NAT2: variants seen among roughly 807,000 people sequenced by gnomAD.
The protein encoded by NAT2 is N-acetyltransferase 2.
For synonymous variants in NAT2, 137 were observed against 125.9 expected (o/e 1.09, Z -0.59); for missense variants, 428 against 339.1 (o/e 1.26, Z -2.06).
rs1341104335 is a variant in NAT2, at chr8:18,400,508, T to G, written c.505T>G (p.Tyr169Asp). 2 of 1,613,538 alleles carry G rather than the reference T, an allele frequency of 1.2e-6. No homozygotes were observed. The highest frequency in any genetic ancestry group is 3.3e-5 in the Admixed American group (2 of 59,902). The change falls in exon 2 of 2, where the codon TAT (tyrosine) becomes GAT (aspartate). Residue 169 changes from tyrosine to aspartate, a missense_variant. Tyr to Asp is a radical substitution (Grantham distance 160). Transcript: ENST00000286479. ...CCTGGACCAAATCAGGAGAGAGCAG[T>G]ATATTACAAACAAAGAATTTCTTAA... ...WYLDQIRREQ[Y>D]ITNKEFLNSH...
At chr8:18,395,525 C>T (rs1800668966) in intron 1 of NAT2, among the ~76,000 whole-genome samples, 1 of 151,936 alleles carries the variant, frequency 6.6e-6, no homozygotes, top group African/African-American at 2.4e-5. Flanking sequence ...ACAATGTTTC[C>T]TATATGATTT....
intron 1 of NAT2, among the ~76,000 whole-genome samples, chr8:18,397,861 T>A (rs1338948875): frequency 6.6e-6 from 1 of 152,156 alleles, no homozygotes; most frequent in Non-Finnish European, 1.5e-5. Context: ...TTGTTGGCTC[T>A]GGCAAATTTT....
rs755777378 is a variant in NAT2 at position 18,400,886 on chromosome 8, C to T, written c.*10C>T. ...ATCCCTTACTATTTAGAATAAGGAA[C>T]AAAATAAACCCTTGTGTATGTATCA... On this transcript the variant is annotated 3_prime_UTR_variant, in exon 2 of 2. Coordinates refer to ENST00000286479, the MANE Select transcript of NAT2 (RefSeq NM_000015.3). 2.6e-6 allele frequency: 4 copies of T among 1,559,192 alleles called. No individual in the cohort carries two copies. Among genetic ancestry groups the T allele is most frequent in the Non-Finnish European group, 3.5e-6 (4 of 1,157,938 alleles).
upstream of NAT2, among the ~76,000 whole-genome samples, chr8:18,389,864 CA>C (rs1563246672): frequency 1.3e-5 from 2 of 152,140 alleles, no homozygotes; most frequent in South Asian, 2.1e-4. Flanking sequence ...AAAACCAGGC[CA>C]CAAGACAAAG....
At chr8:18,390,698 A>G (rs4345600), upstream of NAT2, among the ~76,000 whole-genome samples, 16,190 of 149,752 alleles carry the variant, frequency 0.11, 1,052 homozygotes, top group Admixed American at 0.18. Flanking sequence ...GCTAGGAGAA[A>G]TAAAAATTTA....
chr8:18,389,873 A>C (rs1028986549), upstream of NAT2, among the ~76,000 whole-genome samples: 1 of 152,210 alleles, frequency 6.6e-6, no homozygotes, highest in Non-Finnish European at 1.5e-5. Context: ...CCACAAGACA[A>C]AGATTTGTAT....
At chr8:18,396,759 T>C (rs1800699680) in intron 1 of NAT2, among the ~76,000 whole-genome samples, 1 of 152,192 alleles carries the variant, frequency 6.6e-6, no homozygotes, top group Non-Finnish European at 1.5e-5. Flanking sequence ...AATCCTGAGC[T>C]ATCTGTAAAA....
chr8:18,400,507 G>C lies in NAT2; in HGVS notation c.504G>C (p.Gln168His), dbSNP rs1315180839. 1.2e-6 allele frequency: 2 copies of C among 1,613,414 alleles called. No homozygotes were observed. Among genetic ancestry groups the C allele is most frequent in the Admixed American group, 1.7e-5 (1 of 59,884 alleles). The part of the protein sequence containing the change: ...IWYLDQIRRE[Q>H]YITNKEFLNS... ...ACCTGGACCAAATCAGGAGAGAGCA[G>C]TATATTACAAACAAAGAATTTCTTA... The change falls in exon 2 of 2, where the codon CAG becomes CAC. Residue 168 changes from glutamine (Q) to histidine (H), a missense_variant. Transcript: ENST00000286479.
At chr8:18,392,497 T>G (rs1189133531) in intron 1 of NAT2, among the ~76,000 whole-genome samples, 1 of 152,236 alleles carries the variant, frequency 6.6e-6, no homozygotes, top group African/African-American at 2.4e-5. Context: ...CAGTCTAGTC[T>G]TTCCACATTC....
upstream of NAT2, chr8:18,387,424 T>A: frequency 6.5e-6 from 1 of 153,526 alleles, no homozygotes; most frequent in South Asian, 1.8e-4. Flanking sequence ...GCCCCGGAGT[T>A]CAGCAGCGCC....
chr8:18,386,459 A>C (rs1163355408), upstream of NAT2, among the ~76,000 whole-genome samples: 2 of 152,194 alleles, frequency 1.3e-5, no homozygotes, highest in African/African-American at 4.8e-5. Context: ...GGCAGATAAA[A>C]GAATGAGACT....
At chr8:18,396,404 A>T (rs1475299414) in intron 1 of NAT2, among the ~76,000 whole-genome samples, 1 of 152,192 alleles carries the variant, frequency 6.6e-6, no homozygotes, top group Non-Finnish European at 1.5e-5. Context: ...TTAACTTAAA[A>T]CAATCTTTAA....
rs1799930 is a variant in NAT2, at chr8:18,400,593, G to A, written c.590G>A (p.Arg197Gln). ...ATATACTTATTTACGCTTGAACCTC[G>A]AACAATTGAAGATTTTGAGTCTATG... ...QKIYLFTLEP[R>Q]TIEDFESMNT... The change falls in exon 2 of 2, where the codon CGA becomes CAA. Residue 197 changes from arginine to glutamine, a missense_variant. Coordinates refer to ENST00000286479, the MANE Select transcript of NAT2 (RefSeq NM_000015.3). 0.29 allele frequency: 464,073 copies of A among 1,612,574 alleles called. 68,230 individuals carry two copies. Among genetic ancestry groups the A allele is most frequent in the South Asian group, 0.36 (32,626 of 90,726 alleles).
At position 18,400,780 on chromosome 8, in the gene NAT2, T is replaced by G; in HGVS notation, c.777T>G (p.Thr259=). 1 of 1,613,402 alleles carries G rather than the reference T, an allele frequency of 6.2e-7. No individual in the cohort carries two copies. Among genetic ancestry groups the G allele is most frequent in the South Asian group, 1.1e-5 (1 of 91,022 alleles). The change falls in exon 2 of 2, where the codon ACT becomes ACG. Residue 259 remains threonine (T), a synonymous_variant. Transcript: ENST00000286479. Reference sequence around the variant, plus strand: ...ATCTGGTCGAGTTTAAAACTCTCACTGAGGAAGAGGTTGAAGAAGTGCTGA... The same window carrying G: ...ATCTGGTCGAGTTTAAAACTCTCACGGAGGAAGAGGTTGAAGAAGTGCTGA... ...NTDLVEFKTL[T]EEEVEEVLRN...
chr8:18,400,244 A>G lies in NAT2; in HGVS notation c.241A>G (p.Thr81Ala), dbSNP rs1422696182. Residue 81 changes from threonine (T) to alanine (A), a missense_variant, in exon 2 of 2, where the codon ACA (threonine) becomes GCA (alanine). Thr to Ala is a moderately conservative substitution (Grantham distance 58). Coordinates refer to ENST00000286479, the MANE Select transcript of NAT2 (RefSeq NM_000015.3). ...TCAACTTCTGTACTGGGCTCTGACC[A>G]CAATCGGTTTTCAGACCACAATGTT... is the stretch of plus-strand genomic sequence containing the variant. Reference protein sequence around the residue: ...VNQLLYWALTTIGFQTTMLGG... With the variant: ...VNQLLYWALTAIGFQTTMLGG... 28 of 1,612,440 alleles carry G rather than the reference A, an allele frequency of 1.7e-5. No homozygotes were observed. The highest frequency in any genetic ancestry group is 4.0e-5 in the African/African-American group (3 of 74,870).
At chr8:18,390,747 A>G (rs1585134788), upstream of NAT2, among the ~76,000 whole-genome samples, 1 of 152,146 alleles carries the variant, frequency 6.6e-6, no homozygotes, top group Non-Finnish European at 1.5e-5. Flanking sequence ...ACAAAGCCAT[A>G]TGATACATGT....
rs1246640246 is a variant in NAT2 at position 18,400,629 on chromosome 8, T to G, written c.626T>G (p.Leu209Arg). 1 of 1,613,932 alleles carries G rather than the reference T, an allele frequency of 6.2e-7. No individual in the cohort carries two copies. Among genetic ancestry groups the G allele is most frequent in the Non-Finnish European group, 8.5e-7 (1 of 1,179,998 alleles). ...GATTTTGAGTCTATGAATACATACC[T>G]GCAGACGTCTCCAACATCTTCATTT... ...IEDFESMNTY[L>R]QTSPTSSFIT... The change falls in exon 2 of 2, where the codon CTG (leucine) becomes CGG (arginine). Residue 209 changes from leucine to arginine, a missense_variant. Coordinates refer to ENST00000286479, the MANE Select transcript of NAT2 (RefSeq NM_000015.3).
chr8:18,400,589 C>T lies in NAT2; in HGVS notation c.586C>T (p.Pro196Ser). ...HQKIYLFTLEPRTIEDFESMN... is the reference protein window; with the variant it reads ...HQKIYLFTLESRTIEDFESMN... ...AAAAATATACTTATTTACGCTTGAA[C>T]CTCGAACAATTGAAGATTTTGAGTC... The change falls in exon 2 of 2, where the codon CCT becomes TCT. Residue 196 changes from proline to serine, a missense_variant. By Grantham distance (74) the Pro-to-Ser change is moderately conservative. Coordinates refer to ENST00000286479, the MANE Select transcript of NAT2 (RefSeq NM_000015.3). 1 of 1,613,330 alleles carries T rather than the reference C, an allele frequency of 6.2e-7. No individual in the cohort carries two copies. The highest frequency in any genetic ancestry group is 8.5e-7 in the Non-Finnish European group (1 of 1,179,852).
upstream of NAT2, chr8:18,387,305 A>G (rs910047143): frequency 6.6e-6 from 1 of 152,152 alleles, no homozygotes; most frequent in Non-Finnish European, 1.5e-5. Flanking sequence ...TCAAGCCCCT[A>G]GGGCAGGCGC....
Sources: allele counts gnomAD v4.1 joint callset (sites outside exome capture counted in the v4.1 genomes callset), GRCh38; gene constraint gnomAD v4.1.1; transcripts MANE v1.5; gene names NCBI Gene and HGNC (gene_info 2026-07-23, HGNC 2026-07-21).